Variants in XKR9 observed in about 807,000 individuals in gnomAD.
XKR9 encodes XK-related protein 9.
In XKR9, 32 loss-of-function variants were observed where a neutral mutation model predicts 32.0. The ratio of observed to expected loss-of-function variants is 1.00; its 90% CI spans 0.76 to 1.34. The LOEUF (loss-of-function observed/expected upper bound fraction) is 1.34. Ranked by LOEUF, XKR9 falls within the 40% of genes most tolerant of loss-of-function variation. XKR9 has a pLI of 0.00. For synonymous variants in XKR9, 168 were observed against 143.4 expected (o/e 1.17, Z -1.22); for missense variants, 546 against 429.7 (o/e 1.27, Z -2.39).
At chr8:70,708,341 G>A (rs1160519097) in intron 4 of XKR9, among the ~76,000 whole-genome samples, 1 of 152,032 alleles carries the variant, frequency 6.6e-6, no homozygotes, top group Non-Finnish European at 1.5e-5. Flanking sequence ...CTACCTATGA[G>A]ATCCAGCTAT....
At chr8:70,737,014 G>T (rs1806875595), downstream of XKR9, among the ~76,000 whole-genome samples, 1 of 152,180 alleles carries the variant, frequency 6.6e-6, no homozygotes, top group Admixed American at 6.5e-5. Context: ...GAAAGTCATT[G>T]GTAGCTTTAT....
chr8:70,711,409 T>C (rs1442544930), intron 4 of XKR9, among the ~76,000 whole-genome samples: 6 of 152,136 alleles, frequency 3.9e-5, no homozygotes, highest in Admixed American at 3.9e-4. Flanking sequence ...ATAAAGAAAA[T>C]GTGGTACATA....
the XKR9 span, among the ~76,000 whole-genome samples, chr8:70,890,398 A>T: frequency 2.0e-5 from 3 of 151,996 alleles, no homozygotes; most frequent in Non-Finnish European, 4.4e-5. Context: ...ATCTTACAAG[A>T]AAAGCTTTCA....
At chr8:70,961,730 G>C in the XKR9 span, among the ~76,000 whole-genome samples, 2 of 151,938 alleles carry the variant, frequency 1.3e-5, no homozygotes, top group African/African-American at 2.4e-5. Context: ...TTTCCAAATA[G>C]AGAAGGGTAC....
chr8:70,770,485 C>T (rs66552556), intron 2 of XKR9, among the ~76,000 whole-genome samples: 19,711 of 152,180 alleles, frequency 0.13, 1,676 homozygotes, highest in African/African-American at 0.24. Context: ...CAGGCAGGAA[C>T]GTTTAAGTCT....
intron 3 of XKR9, chr8:70,683,643 A>T: frequency 2.5e-6 from 1 of 393,746 alleles, no homozygotes. Context: ...ATGTGCCATG[A>T]CACTTGGTTA....
At chr8:71,055,089 A>T in the XKR9 span, among the ~76,000 whole-genome samples, 1 of 152,244 alleles carries the variant, frequency 6.6e-6, no homozygotes, top group Admixed American at 6.5e-5. Flanking sequence ...AGAAACAAAG[A>T]TTGAAAAATC....
At chr8:70,713,936 A>G (rs1806005428) in intron 4 of XKR9, among the ~76,000 whole-genome samples, 1 of 152,166 alleles carries the variant, frequency 6.6e-6, no homozygotes, top group Non-Finnish European at 1.5e-5. Flanking sequence ...ATTTTCTCAC[A>G]GTTCTAGAGA....
At chr8:70,721,159 T>C (rs192975358) in intron 4 of XKR9, among the ~76,000 whole-genome samples, 142 of 152,312 alleles carry the variant, frequency 9.3e-4, no homozygotes, top group Non-Finnish European at 2.8e-4. Context: ...CCCTTTATCA[T>C]TTTTTATTGT....
the XKR9 span, among the ~76,000 whole-genome samples, chr8:70,842,954 A>G: frequency 1.3e-5 from 2 of 150,866 alleles, no homozygotes; most frequent in African/African-American, 5.0e-5. Context: ...AGGAAAGAAG[A>G]AAAAAAAGAA....
At chr8:70,925,930 T>C in the XKR9 span, among the ~76,000 whole-genome samples, 1 of 152,198 alleles carries the variant, frequency 6.6e-6, no homozygotes, top group African/African-American at 2.4e-5. Flanking sequence ...TTCAGACTGA[T>C]TTATAGAACA....
chr8:70,767,220 G>A lies in XKR9; in HGVS notation n.353-22119G>A, dbSNP rs375622216. ...TCTGGTAGAATTCGGCTGTGAATCC[G>A]TCTGGACCTGGGATTTTTTTGGTTG... On this transcript the variant is annotated intron_variant and non_coding_transcript_variant, in intron 2 of 3. Transcript: ENST00000520273. Among the ~76,000 whole-genome samples the A allele has an allele frequency of 2.0e-4, 31 of 152,234 alleles. No individual in the cohort carries two copies. The South Asian group carries it at 3.3e-3, about 16-fold the overall frequency.
intron 2 of XKR9, among the ~76,000 whole-genome samples, chr8:70,757,090 A>G (rs1018290863): frequency 2.0e-5 from 3 of 152,070 alleles, no homozygotes; most frequent in African/African-American, 7.2e-5. Context: ...TTCTGTGTCT[A>G]TTGAGATAAT....
At chr8:70,922,513 G>A in the XKR9 span, among the ~76,000 whole-genome samples, 1 of 152,326 alleles carries the variant, frequency 6.6e-6, no homozygotes, top group East Asian at 1.9e-4. Flanking sequence ...TTTTATCAAT[G>A]TAAACATCCA....
chr8:70,802,142 T>C, the XKR9 span, among the ~76,000 whole-genome samples: 1 of 151,992 alleles, frequency 6.6e-6, no homozygotes, highest in African/African-American at 2.4e-5. Context: ...TTCACCATGT[T>C]ATCCAGGATG....
chr8:70,810,703 A>T, the XKR9 span, among the ~76,000 whole-genome samples: 11 of 152,242 alleles, frequency 7.2e-5, no homozygotes, highest in Admixed American at 2.0e-4. Context: ...AGGCCATTAC[A>T]TAATGGTAAA....
chr8:70,905,629 G>A, the XKR9 span, among the ~76,000 whole-genome samples: 1 of 152,086 alleles, frequency 6.6e-6, no homozygotes, highest in Admixed American at 6.5e-5. Flanking sequence ...CTCTCAACTC[G>A]TCAAAGTCAT....
the XKR9 span, among the ~76,000 whole-genome samples, chr8:70,947,949 G>T: frequency 6.6e-6 from 1 of 152,182 alleles, no homozygotes; most frequent in Non-Finnish European, 1.5e-5. Context: ...GCATGTGTCT[G>T]CTAAAGAGCA....
the XKR9 span, among the ~76,000 whole-genome samples, chr8:71,045,282 G>A: frequency 5.9e-5 from 9 of 152,142 alleles, no homozygotes; most frequent in African/African-American, 1.7e-4. Context: ...GTGCTTGTCT[G>A]GGAGCTATTT....
Sources: gnomAD v4.1 joint callset for allele counts (sites outside exome capture counted in the v4.1 genomes callset) on GRCh38, gnomAD v4.1.1 for gene constraint, MANE v1.5 for transcripts, NCBI Gene and HGNC (gene_info 2026-07-23, HGNC 2026-07-21) for gene names.